Variants in CDH22 observed in about 807,000 individuals in gnomAD.
CDH22 encodes the protein cadherin 22, also known as cadherin-22.
CDH22 carries 30 observed loss-of-function variants against 58.4 expected under a neutral mutation model. The ratio of observed to expected loss-of-function variants is 0.51; its 90% CI spans 0.38 to 0.70. The LOEUF is 0.70. Ranked by LOEUF, CDH22 falls within the 30% of genes least tolerant of loss-of-function variation. The probability of loss-of-function intolerance (pLI) is 0.00; values close to 1 mark genes in which losing one functional copy is unlikely to be tolerated. For missense variants in CDH22, 1,014 were observed against 1,233.9 expected, an observed-to-expected ratio of 0.82 and a Z score of 2.67; for synonymous variants, 513 against 558.2, an observed-to-expected ratio of 0.92 and a Z score of 1.14.
intron 4 of CDH22, among the ~76,000 whole-genome samples, chr20:46,223,727 C>CTCTT (rs10659187): frequency 0.65 from 72,334 of 110,844 alleles, 24,044 homozygotes; most frequent in African/African-American, 0.74. Flanking sequence ...TTCTTTCTTT[C>CTCTT]TCTTTCTTTC....
At chr20:46,178,742 ACTGGGAACT>A (rs2085762380) in intron 10 of CDH22, among the ~76,000 whole-genome samples, 1 of 151,730 alleles carries the variant, frequency 6.6e-6, no homozygotes, top group African/African-American at 2.4e-5. Context: ...CTCAGAAGGG[ACTGGGAACT>A]CTGGCTGGCA....
At chr20:46,229,139 C>T (rs2086201346) in intron 3 of CDH22, among the ~76,000 whole-genome samples, 1 of 152,060 alleles carries the variant, frequency 6.6e-6, no homozygotes, top group Non-Finnish European at 1.5e-5. Context: ...ATGCTGGTGC[C>T]CAGGGGTCTC....
intron 1 of CDH22, among the ~76,000 whole-genome samples, chr20:46,281,472 C>G (rs1481038956): frequency 2.6e-5 from 4 of 152,048 alleles, no homozygotes; most frequent in African/African-American, 4.8e-5. Flanking sequence ...ATACGCCTAC[C>G]CTGATACTCT....
intron 8 of CDH22, among the ~76,000 whole-genome samples, chr20:46,188,794 A>G (rs1408874810): frequency 1.3e-5 from 2 of 152,174 alleles, no homozygotes; most frequent in East Asian, 1.9e-4. Context: ...ATCCTCTGCT[A>G]TCTTGGCTAC....
chr20:46,223,666 C>CTTCCTTCT, intron 4 of CDH22, among the ~76,000 whole-genome samples: 1 of 115,628 alleles, frequency 8.6e-6, no homozygotes, highest in East Asian at 2.5e-4. Context: ...TTTTTCTTTC[C>CTTCCTTCT]TTCTTTCTTT....
chr20:46,199,823 G>A (rs1176732335), intron 7 of CDH22, among the ~76,000 whole-genome samples: 4 of 152,194 alleles, frequency 2.6e-5, no homozygotes, highest in African/African-American at 9.6e-5. Context: ...ATTTGTACCT[G>A]CAGTTGTCGT....
chr20:46,249,852 G>A (rs977360056), intron 2 of CDH22, among the ~76,000 whole-genome samples: 4 of 152,120 alleles, frequency 2.6e-5, no homozygotes, highest in Admixed American at 6.5e-5. Flanking sequence ...ATTAGGTTAC[G>A]TCCTCTTTCC....
chr20:46,207,606 G>A (rs1377306932), intron 7 of CDH22, among the ~76,000 whole-genome samples: 4 of 152,216 alleles, frequency 2.6e-5, no homozygotes, highest in East Asian at 1.9e-4. Flanking sequence ...TGTAGTGAAA[G>A]TAGCGTGGGC....
At chr20:46,209,357 A>C (rs1442533705) in intron 7 of CDH22, among the ~76,000 whole-genome samples, 3 of 152,038 alleles carry the variant, frequency 2.0e-5, no homozygotes, top group Non-Finnish European at 4.4e-5. Flanking sequence ...GTTGCAGCAG[A>C]GTGGACTGGA....
At chr20:46,234,172 A>C (rs927351439) in intron 3 of CDH22, among the ~76,000 whole-genome samples, 2 of 152,162 alleles carry the variant, frequency 1.3e-5, no homozygotes, top group Non-Finnish European at 2.9e-5. Context: ...TAAAATGGGG[A>C]TGTCAGTACT....
At chr20:46,278,390 T>C (rs1055107119) in intron 1 of CDH22, among the ~76,000 whole-genome samples, 1 of 152,160 alleles carries the variant, frequency 6.6e-6, no homozygotes, top group Non-Finnish European at 1.5e-5. Flanking sequence ...AAAGGTTGTT[T>C]CAGCTCCAGG....
At chr20:46,184,377 G>A (rs2085810258) in intron 10 of CDH22, among the ~76,000 whole-genome samples, 1 of 152,060 alleles carries the variant, frequency 6.6e-6, no homozygotes, top group Non-Finnish European at 1.5e-5. Flanking sequence ...GAGATTACAG[G>A]GCTGAGCCAC....
At chr20:46,250,825 T>G (rs1299656116) in intron 2 of CDH22, among the ~76,000 whole-genome samples, 15 of 152,172 alleles carry the variant, frequency 9.9e-5, no homozygotes, top group Non-Finnish European at 5.9e-5. Context: ...CTGGGCTCTT[T>G]CTAAGATGCA....
chr20:46,290,521 G>A (rs2086596368), intron 1 of CDH22, among the ~76,000 whole-genome samples: 1 of 152,232 alleles, frequency 6.6e-6, no homozygotes, highest in Non-Finnish European at 1.5e-5. Context: ...GGTTAGCCAA[G>A]GCTAATCCAA....
At chr20:46,283,256 T>C (rs2086558967) in intron 1 of CDH22, among the ~76,000 whole-genome samples, 1 of 152,168 alleles carries the variant, frequency 6.6e-6, no homozygotes, top group Admixed American at 6.5e-5. Flanking sequence ...TGGGAATGCA[T>C]TCTGGGAGCA....
chr20:46,222,262 C>T (rs573307639), intron 4 of CDH22, among the ~76,000 whole-genome samples: 19 of 152,262 alleles, frequency 1.2e-4, no homozygotes, highest in Non-Finnish European at 2.5e-4. Flanking sequence ...TTGTTCATCC[C>T]GTGTCTATAG....
intron 8 of CDH22, among the ~76,000 whole-genome samples, chr20:46,197,175 A>G (rs535752081): frequency 4.9e-4 from 74 of 152,254 alleles, no homozygotes; most frequent in Admixed American, 7.8e-4. Flanking sequence ...GCCAGTGCAC[A>G]TCTTTGGCAA....
At chr20:46,198,406 G>C (rs1161197595) in intron 8 of CDH22, among the ~76,000 whole-genome samples, 1 of 151,286 alleles carries the variant, frequency 6.6e-6, no homozygotes, top group East Asian at 1.9e-4. Context: ...CGGGACATCA[G>C]CCCATGAGCA....
At chr20:46,231,871 C>T (rs148326522) in intron 3 of CDH22, among the ~76,000 whole-genome samples, 75 of 152,326 alleles carry the variant, frequency 4.9e-4, no homozygotes, top group African/African-American at 1.8e-3. Flanking sequence ...TCCATTTCCT[C>T]ACCTGTAACA....
Sources: allele counts gnomAD v4.1 joint callset (sites outside exome capture counted in the v4.1 genomes callset), GRCh38; gene constraint gnomAD v4.1.1; transcripts MANE v1.5; gene names NCBI Gene and HGNC (gene_info 2026-07-23, HGNC 2026-07-21).